The following UNC5C variants were observed in gnomAD, a reference collection of about 807,000 sequenced individuals.
UNC5C encodes unc-5 netrin receptor C.
UNC5C carries 47 observed loss-of-function variants against 99.8 expected under a neutral mutation model. That is an observed-to-expected ratio of 0.47 (90% CI 0.37 to 0.60). UNC5C has a LOEUF of 0.60. UNC5C is among the 20% of genes least tolerant of loss of function. UNC5C has a pLI of 0.00. For missense variants in UNC5C, 1,062 were observed against 1,165.9 expected, an observed-to-expected ratio of 0.91 and a Z score of 1.30; for synonymous variants, 487 against 452.2, an observed-to-expected ratio of 1.08 and a Z score of -0.98.
chr4:95,333,343 T>G (rs1743198854), intron 2 of UNC5C, among the ~76,000 whole-genome samples: 2 of 152,136 alleles, frequency 1.3e-5, no homozygotes, highest in Admixed American at 1.3e-4. Context: ...AACGATAGAT[T>G]GGATTAAGAA....
intron 4 of UNC5C, among the ~76,000 whole-genome samples, chr4:95,271,153 G>T (rs933303289): frequency 1.3e-5 from 2 of 152,236 alleles, no homozygotes; most frequent in East Asian, 3.9e-4. Flanking sequence ...TATGGGCACA[G>T]GTTAGGTCTT....
intron 2 of UNC5C, among the ~76,000 whole-genome samples, chr4:95,321,899 C>T (rs926433182): frequency 1.3e-5 from 2 of 152,138 alleles, no homozygotes; most frequent in African/African-American, 4.8e-5. Context: ...TTTTTATTTA[C>T]TCAGCCCTGG....
chr4:95,254,417 C>A (rs909642077), intron 4 of UNC5C, among the ~76,000 whole-genome samples: 2 of 152,070 alleles, frequency 1.3e-5, no homozygotes, highest in Middle Eastern at 3.2e-3. Context: ...TAAATTCAAC[C>A]CAGAGAAGCT....
intron 4 of UNC5C, among the ~76,000 whole-genome samples, chr4:95,258,743 A>ATTTTTTTT (rs1740102405): frequency 5.8e-5 from 5 of 85,866 alleles, no homozygotes; most frequent in Non-Finnish European, 1.3e-4. Context: ...CGACCATCTT[A>ATTTTTTTT]TTCTTTTTTT....
intron 2 of UNC5C, among the ~76,000 whole-genome samples, chr4:95,319,118 C>T (rs1355481573): frequency 5.3e-5 from 8 of 152,210 alleles, no homozygotes; most frequent in Admixed American, 5.2e-4. Flanking sequence ...CTCTCTGCCA[C>T]ACTTTTACAA....
chr4:95,211,272 G>T (rs575268199), intron 10 of UNC5C, among the ~76,000 whole-genome samples: 4 of 152,250 alleles, frequency 2.6e-5, no homozygotes, highest in African/African-American at 9.6e-5. Context: ...TGAAATATTT[G>T]CACTCTAGGT....
rs769339200 is a variant in UNC5C, at chr4:95,185,088, C to T, written c.2245G>A (p.Ala749Thr). The part of the protein sequence containing the change: ...HNLRLSIHDI[A>T]HSLWKSKLLA... ...AATTTGCTCTTCCAGAGGGAATGGG[C>T]GATATCGTGAATTGACAGGCGCAGG... The change falls in exon 13 of 16, where the codon GCC (alanine) becomes ACC (threonine). Residue 749 changes from alanine (A) to threonine (T), a missense_variant. By Grantham distance (58) the Ala-to-Thr change is moderately conservative. This residue lies in a region of UNC5C where 810 missense variants were observed against 854.5 expected (regional missense o/e 0.95). Coordinates refer to ENST00000453304, the MANE Select transcript of UNC5C (RefSeq NM_003728.4). The T allele has an allele frequency of 9.3e-6, 15 of 1,613,724 alleles. No individual in the cohort carries two copies. The highest frequency in any genetic ancestry group is 4.5e-5 in the East Asian group (2 of 44,860).
At chr4:95,404,504 C>T (rs1745782668) in intron 1 of UNC5C, among the ~76,000 whole-genome samples, 1 of 152,124 alleles carries the variant, frequency 6.6e-6, no homozygotes, top group Non-Finnish European at 1.5e-5. Flanking sequence ...AGTTTTTTGC[C>T]TGTTACTATT....
chr4:95,227,514 A>AAGGAGATTCCTTGCAGACT (rs1560742283), intron 7 of UNC5C, among the ~76,000 whole-genome samples: 1 of 152,232 alleles, frequency 6.6e-6, no homozygotes, highest in African/African-American at 2.4e-5. Flanking sequence ...ACTTGCAGGA[A>AAGGAGATTCCTTGCAGACT]TACAGACTAA....
intron 5 of UNC5C, among the ~76,000 whole-genome samples, chr4:95,250,003 A>C (rs1278616848): frequency 1.3e-5 from 2 of 152,150 alleles, no homozygotes; most frequent in Non-Finnish European, 2.9e-5. Flanking sequence ...AAGCATATTC[A>C]TCTTTAGAAC....
At chr4:95,477,960 C>A (rs1352175826) in intron 1 of UNC5C, among the ~76,000 whole-genome samples, 2 of 151,872 alleles carry the variant, frequency 1.3e-5, no homozygotes, top group Non-Finnish European at 2.9e-5. Context: ...GGTTGACATG[C>A]AAATTAAATA....
At position 95,356,494 on chromosome 4, in the gene UNC5C, C is replaced by T. The variant is rs1408216786; in HGVS notation, c.125-20863G>A. On this transcript the variant is annotated intron_variant, in intron 1 of 15. Coordinates refer to ENST00000453304, the MANE Select transcript of UNC5C (RefSeq NM_003728.4). ...GAGGCCTTGGTATTGGTTCCAGCCA[C>T]ATTCATAATGATCTTTTGCCTTTTC... Among the ~76,000 whole-genome samples, 4 of 152,160 alleles carry T rather than the reference C, an allele frequency of 2.6e-5. No individual in the cohort carries two copies. In the East Asian group the frequency reaches 7.7e-4, roughly 29 times the overall value.
intron 1 of UNC5C, among the ~76,000 whole-genome samples, chr4:95,356,564 A>G (rs952858524): frequency 1.3e-5 from 2 of 152,184 alleles, no homozygotes; most frequent in Non-Finnish European, 2.9e-5. Context: ...TATTCTATAA[A>G]CAAAAATCCA....
At chr4:95,283,442 T>G (rs1741129283) in intron 3 of UNC5C, among the ~76,000 whole-genome samples, 1 of 152,252 alleles carries the variant, frequency 6.6e-6, no homozygotes, top group Admixed American at 6.5e-5. Context: ...CTCTCTGGCT[T>G]TCAGATTGTG....
intron 1 of UNC5C, among the ~76,000 whole-genome samples, chr4:95,384,791 GA>G (rs936295773): frequency 7.9e-4 from 120 of 152,204 alleles, no homozygotes; most frequent in African/African-American, 2.8e-3. Context: ...GAGAGACCAG[GA>G]GAGCCTCTAC....
intron 1 of UNC5C, among the ~76,000 whole-genome samples, chr4:95,427,298 A>T (rs1298907862): frequency 6.6e-6 from 1 of 152,210 alleles, no homozygotes; most frequent in African/African-American, 2.4e-5. Context: ...ACAACAAAGG[A>T]TTTAGAATAT....
chr4:95,358,206 T>C (rs1744276636), intron 1 of UNC5C, among the ~76,000 whole-genome samples: 1 of 152,212 alleles, frequency 6.6e-6, no homozygotes, highest in Non-Finnish European at 1.5e-5. Context: ...ACAATCCTTA[T>C]TAATGCAGTT....
chr4:95,254,575 G>A (rs1739882084), intron 4 of UNC5C, among the ~76,000 whole-genome samples: 1 of 152,162 alleles, frequency 6.6e-6, no homozygotes, highest in South Asian at 2.1e-4. Flanking sequence ...TAGCATCAGT[G>A]TCACTGGGAG....
intron 14 of UNC5C, among the ~76,000 whole-genome samples, chr4:95,170,935 A>C (rs1736073609): frequency 1.3e-5 from 2 of 152,238 alleles, no homozygotes; most frequent in South Asian, 4.1e-4. Context: ...ACAGTATATT[A>C]TTGCCTTAGG....
Sources: gnomAD v4.1 joint callset for allele counts (sites outside exome capture counted in the v4.1 genomes callset) on GRCh38, gnomAD v4.1.1 for gene constraint, gnomAD v4.1.1 regional missense constraint, MANE v1.5 for transcripts, NCBI Gene and HGNC (gene_info 2026-07-23, HGNC 2026-07-21) for gene names.